Variants in ANO10 observed in about 807,000 individuals in gnomAD.
ANO10 encodes the protein anoctamin 10.
In ANO10, 77 loss-of-function variants were observed where a neutral mutation model predicts 74.7. The observed-to-expected ratio is 1.03, with a 90% CI of 0.86 to 1.25. ANO10 has a LOEUF of 1.25. ANO10 is among the 50% of genes most tolerant of loss of function. The pLI is 0.00. For missense variants in ANO10, 721 were observed against 778.1 expected, an observed-to-expected ratio of 0.93 and a Z score of 0.87; for synonymous variants, 279 against 284.9, an observed-to-expected ratio of 0.98 and a Z score of 0.21.
chr3:43,545,668 A>C (rs2079159755), intron 11 of ANO10, among the ~76,000 whole-genome samples: 2 of 152,072 alleles, frequency 1.3e-5, no homozygotes, highest in African/African-American at 4.8e-5. Flanking sequence ...GCCCGACCCC[A>C]CTGATAGTTT....
chr3:43,372,978 T>C, intron 12 of ANO10: 2 of 905,992 alleles, frequency 2.2e-6, no homozygotes, highest in East Asian at 5.4e-5. Context: ...CATATTCAAG[T>C]TCTTGAAGTC....
chr3:43,501,153 T>A (rs1189248446), intron 11 of ANO10, among the ~76,000 whole-genome samples: 1 of 152,192 alleles, frequency 6.6e-6, no homozygotes. Flanking sequence ...AGCATCTCCA[T>A]CTGGTGGGAG....
chr3:43,464,677 TA>T (rs199966650), intron 11 of ANO10, among the ~76,000 whole-genome samples: 11 of 150,958 alleles, frequency 7.3e-5, no homozygotes, highest in East Asian at 3.9e-4. Flanking sequence ...AGACCCCATA[TA>T]AAAAAAAATG....
At chr3:43,525,472 C>T (rs2078154785) in intron 11 of ANO10, among the ~76,000 whole-genome samples, 1 of 152,316 alleles carries the variant, frequency 6.6e-6, no homozygotes, top group African/African-American at 2.4e-5. Context: ...CCAGTGCCAA[C>T]AACCATTCCT....
intron 12 of ANO10, among the ~76,000 whole-genome samples, chr3:43,374,948 C>T (rs1002108227): frequency 6.6e-6 from 1 of 151,876 alleles, no homozygotes; most frequent in African/African-American, 2.4e-5. Flanking sequence ...TAGTGAAACT[C>T]CGTCTCTACT....
At chr3:43,401,408 G>T (rs988644062) in intron 12 of ANO10, among the ~76,000 whole-genome samples, 1 of 124,864 alleles carries the variant, frequency 8.0e-6, no homozygotes, top group East Asian at 1.9e-4. Flanking sequence ...TTTAAAAGGC[G>T]GGGGGGAAAC....
At chr3:43,383,259 C>A (rs2092020678) in intron 12 of ANO10, among the ~76,000 whole-genome samples, 1 of 152,056 alleles carries the variant, frequency 6.6e-6, no homozygotes, top group Non-Finnish European at 1.5e-5. Flanking sequence ...CCAGACCATC[C>A]TGGCTAACAT....
intron 1 of ANO10, among the ~76,000 whole-genome samples, chr3:43,610,713 C>T (rs187836006): frequency 6.6e-6 from 1 of 152,286 alleles, no homozygotes; most frequent in Non-Finnish European, 1.5e-5. Flanking sequence ...CTGTCAGGCA[C>T]AGAAAAACAG....
At chr3:43,675,466 G>C (rs1363880616) in intron 1 of ANO10, among the ~76,000 whole-genome samples, 1 of 152,070 alleles carries the variant, frequency 6.6e-6, no homozygotes, top group East Asian at 1.9e-4. Flanking sequence ...CAGATGTCAG[G>C]AAGTATTTGC....
At chr3:43,372,645 T>G in intron 12 of ANO10, 1 of 525,292 alleles carries the variant, frequency 1.9e-6, no homozygotes, top group South Asian at 2.8e-5. Flanking sequence ...ATCCCTCTAT[T>G]TCAATTGCTG....
chr3:43,668,316 A>G (rs1242885204), intron 1 of ANO10, among the ~76,000 whole-genome samples: 1 of 151,028 alleles, frequency 6.6e-6, no homozygotes, highest in Non-Finnish European at 1.5e-5. Context: ...TTTCTTGTAG[A>G]TTCTGGATAT....
intron 1 of ANO10, among the ~76,000 whole-genome samples, chr3:43,648,910 C>G (rs2083756416): frequency 6.6e-6 from 1 of 152,122 alleles, no homozygotes; most frequent in Admixed American, 6.5e-5. Context: ...ATCTCCTGAC[C>G]TCGTGATCCG....
At chr3:43,594,853 G>C (rs2081995701) in intron 4 of ANO10, among the ~76,000 whole-genome samples, 1 of 152,088 alleles carries the variant, frequency 6.6e-6, no homozygotes, top group African/African-American at 2.4e-5. Flanking sequence ...CAACAAAATT[G>C]ATAGACCGCT....
rs200245234 is a variant in ANO10, at chr3:43,366,889, C to A, written c.*17G>T. 3.6e-5 allele frequency: 57 copies of A among 1,573,436 alleles called. No individual in the cohort carries two copies. The highest frequency in any genetic ancestry group is 3.2e-4 in the African/African-American group (24 of 74,408). ...ACACAGGCCTCTGCCAACAGGGCAG[C>A]TGGGCACGCTGGGCACTCAGGTTGC... On this transcript the variant is annotated 3_prime_UTR_variant, in exon 13 of 13. Coordinates refer to ENST00000292246, the MANE Select transcript of ANO10 (RefSeq NM_018075.5).
At chr3:43,369,779 C>G (rs2091543014) in intron 12 of ANO10, among the ~76,000 whole-genome samples, 1 of 152,246 alleles carries the variant, frequency 6.6e-6, no homozygotes, top group South Asian at 2.1e-4. Context: ...AAATTAAAAC[C>G]TGCAGCTAAA....
intron 12 of ANO10, among the ~76,000 whole-genome samples, chr3:43,415,817 C>T (rs2148901934): frequency 6.6e-6 from 1 of 152,310 alleles, no homozygotes; most frequent in Admixed American, 6.5e-5. Context: ...GCTGGGATTA[C>T]AGGCATGAGC....
chr3:43,565,859 A>T (rs948581865), intron 7 of ANO10, 132 bp from the exon 8 acceptor site: 1 of 895,388 alleles, frequency 1.1e-6, no homozygotes, highest in African/African-American at 1.7e-5. Context: ...GAACAGCTCC[A>T]GTCTACAGCT....
At chr3:43,521,838 C>T (rs2077970742) in intron 11 of ANO10, among the ~76,000 whole-genome samples, 1 of 152,062 alleles carries the variant, frequency 6.6e-6, no homozygotes. Flanking sequence ...TATTTGTATG[C>T]CAATATTCAC....
rs145543748 is a variant in ANO10 at position 43,555,453 on chromosome 3, T to C, written c.1493A>G (p.Tyr498Cys). Residue 498 changes from tyrosine (Y) to cysteine (C), a missense_variant, in exon 10 of 13, where the codon TAC becomes TGC. Physicochemically the swap from Tyr to Cys is radical, Grantham distance 194 (BLOSUM62 -2). Transcript: ENST00000292246. ...MGTYLGTFDDYLELFLQFGYV... is the reference protein window; with the variant it reads ...MGTYLGTFDDCLELFLQFGYV... ...ACCAAACTGCAGGAATAACTCCAAG[T>C]AATCATCAAAGGTGCCCTGAAAATA... 5 of 1,614,014 alleles carry C rather than the reference T, an allele frequency of 3.1e-6. No homozygotes were observed. Among genetic ancestry groups the C allele is most frequent in the Non-Finnish European group, 4.2e-6 (5 of 1,180,006 alleles).
Sources: allele counts gnomAD v4.1 joint callset (sites outside exome capture counted in the v4.1 genomes callset), GRCh38; gene constraint gnomAD v4.1.1; transcripts MANE v1.5; gene names NCBI Gene and HGNC (gene_info 2026-07-23, HGNC 2026-07-21).